FAM184B: variants seen among roughly 807,000 people sequenced by gnomAD.
The protein encoded by FAM184B is protein FAM184B.
In FAM184B, 111 loss-of-function variants were observed where a neutral mutation model predicts 135.9. That is an observed-to-expected ratio of 0.82 (90% CI 0.70 to 0.96). FAM184B has a LOEUF of 0.96. Ranked by LOEUF, FAM184B falls within the 40% of genes least tolerant of loss-of-function variation. The pLI is 0.00. For missense variants in FAM184B, 1,375 were observed against 1,323.9 expected, an observed-to-expected ratio of 1.04 and a Z score of -0.60; for synonymous variants, 552 against 524.8, an observed-to-expected ratio of 1.05 and a Z score of -0.71.
rs1191405789 is a variant in FAM184B, at chr4:17,693,330, T to C, written c.1460A>G (p.Asn487Ser). Residue 487 changes from asparagine to serine, a missense_variant, in exon 6 of 18, where the codon AAT becomes AGT. By Grantham distance (46) the Asn-to-Ser change is conservative. Transcript: ENST00000265018. ...AAGCAGAGAATTCTGAAGCTTCACA[T>C]TGAGGGCTGCTTTCTCTTCTTCCAG... is the stretch of plus-strand genomic sequence containing the variant. Reference protein sequence around the residue: ...KQLEEEKAALNVKLQNSLLEV... With the variant: ...KQLEEEKAALSVKLQNSLLEV... 1 of 1,551,632 alleles carries C rather than the reference T, an allele frequency of 6.4e-7. No individual in the cohort carries two copies. The highest frequency in any genetic ancestry group is 2.0e-5 in the Admixed American group (1 of 51,000).
At chr4:17,667,279 A>G (rs1716077394) in intron 7 of FAM184B, among the ~76,000 whole-genome samples, 1 of 152,044 alleles carries the variant, frequency 6.6e-6, no homozygotes, top group Non-Finnish European at 1.5e-5. Context: ...TTTACATCCC[A>G]TGGAGAGAAG....
At position 17,632,043 on chromosome 4, in the gene FAM184B, ATTTTTTTTTTT is replaced by A. The variant is rs199549580; in HGVS notation, c.*478_*488del. 143 of 117,448 alleles carry A rather than the reference ATTTTTTTTTTT, an allele frequency of 1.2e-3. No homozygotes were observed. Among genetic ancestry groups the A allele is most frequent in the African/African-American group, 3.9e-3 (113 of 29,244 alleles). The allele number at this position is 117,448 out of a possible 1,614,324, so 7.3% of individuals were successfully genotyped here. A position where few individuals can be genotyped will look rare whatever the true frequency, so the allele number is the denominator to read the frequency against. ...TTTTAATAACACTGGTTTAATGTCAATTTTTTTTTTTTTTTTTTTTTTTTTTTTTTTTTTTT... is the reference window on the plus strand; with the variant it reads ...TTTTAATAACACTGGTTTAATGTCAATTTTTTTTTTTTTTTTTTTTTTTTT... On this transcript the variant is annotated 3_prime_UTR_variant, in exon 18 of 18. Coordinates refer to ENST00000265018, the MANE Select transcript of FAM184B (RefSeq NM_015688.2).
chr4:17,776,584 G>A (rs186988497), intron 1 of FAM184B, among the ~76,000 whole-genome samples: 5 of 152,194 alleles, frequency 3.3e-5, no homozygotes, highest in Admixed American at 2.6e-4. Context: ...TAGAGATGGG[G>A]TTTCTCCATG....
chr4:17,773,396 G>A (rs1718860725), intron 1 of FAM184B, among the ~76,000 whole-genome samples: 1 of 152,190 alleles, frequency 6.6e-6, no homozygotes, highest in Non-Finnish European at 1.5e-5. Flanking sequence ...GAGTGAGAAG[G>A]CCCCATGAGG....
Position 17,659,485 on chromosome 4 carries a change from A to C in FAM184B, c.1824+473T>G, listed in dbSNP as rs187553832. 1.2e-4 allele frequency among the ~76,000 whole-genome samples: 18 copies of C among 151,226 alleles called. No individual in the cohort carries two copies. In the East Asian group the frequency reaches 3.5e-3, roughly 30 times the overall value. On this transcript the variant is annotated intron_variant, in intron 9 of 17. Coordinates refer to ENST00000265018, the MANE Select transcript of FAM184B (RefSeq NM_015688.2). Reference sequence around the variant, plus strand: ...CATAGTGAGTGCTCATTAGCACAACAGGTTTTTTATTTTCTTTTTGAGACA... The same window carrying C: ...CATAGTGAGTGCTCATTAGCACAACCGGTTTTTTATTTTCTTTTTGAGACA...
At chr4:17,637,605 G>A (rs114600075) in intron 14 of FAM184B, among the ~76,000 whole-genome samples, 2,457 of 152,322 alleles carry the variant, frequency 0.016, 79 homozygotes, top group African/African-American at 0.056. Context: ...TATAGTAAGT[G>A]CCCGTTAGAC....
At chr4:17,674,574 G>A (rs74488779) in intron 7 of FAM184B, among the ~76,000 whole-genome samples, 3 of 152,052 alleles carry the variant, frequency 2.0e-5, no homozygotes, top group East Asian at 1.9e-4. Context: ...TTGCCACATC[G>A]CTTGACTCTG....
At chr4:17,734,642 C>T (rs565761553) in intron 1 of FAM184B, among the ~76,000 whole-genome samples, 2 of 151,384 alleles carry the variant, frequency 1.3e-5, no homozygotes, top group East Asian at 1.9e-4. Context: ...TACCATCTCA[C>T]ACCAGTTAGA....
chr4:17,660,709 C>T (rs557932672), intron 8 of FAM184B, among the ~76,000 whole-genome samples: 4 of 151,376 alleles, frequency 2.6e-5, no homozygotes, highest in South Asian at 2.1e-4. Flanking sequence ...TTCCTTAATT[C>T]GGAACTTTTG....
chr4:17,695,805 A>G (rs1448752840), intron 5 of FAM184B, among the ~76,000 whole-genome samples: 1 of 152,122 alleles, frequency 6.6e-6, no homozygotes, highest in African/African-American at 2.4e-5. Flanking sequence ...CTAATTAGAT[A>G]GATAGAGGGT....
intron 1 of FAM184B, among the ~76,000 whole-genome samples, chr4:17,730,255 T>C (rs1372306713): frequency 2.0e-5 from 3 of 152,134 alleles, no homozygotes; most frequent in Admixed American, 2.0e-4. Flanking sequence ...CCAAGAAATA[T>C]GGGACTATGT....
chr4:17,700,478 AG>A (rs1716960599), intron 5 of FAM184B, among the ~76,000 whole-genome samples: 1 of 152,238 alleles, frequency 6.6e-6, no homozygotes, highest in Non-Finnish European at 1.5e-5. Flanking sequence ...ACAAATAAAA[AG>A]GTTTCAATTT....
intron 2 of FAM184B, among the ~76,000 whole-genome samples, chr4:17,708,511 G>T (rs1717165632): frequency 6.6e-6 from 1 of 151,082 alleles, no homozygotes; most frequent in Non-Finnish European, 1.5e-5. Context: ...TGGGTATGGT[G>T]GTGGGCACTT....
chr4:17,672,513 T>G (rs1230547382), intron 7 of FAM184B, among the ~76,000 whole-genome samples: 1 of 152,180 alleles, frequency 6.6e-6, no homozygotes, highest in Non-Finnish European at 1.5e-5. Context: ...AGAATGTGGG[T>G]TTGTCATAGA....
chr4:17,719,545 G>C (rs1350231861), intron 1 of FAM184B, among the ~76,000 whole-genome samples: 2 of 152,202 alleles, frequency 1.3e-5, no homozygotes, highest in Admixed American at 6.5e-5. Flanking sequence ...GAAGTCTGTA[G>C]AGGTGCAGAG....
chr4:17,681,451 G>A (rs1182915139), intron 7 of FAM184B, among the ~76,000 whole-genome samples: 1 of 152,244 alleles, frequency 6.6e-6, no homozygotes, highest in Non-Finnish European at 1.5e-5. Context: ...TCTCCATGGA[G>A]TGAAGGGCAG....
At chr4:17,683,428 G>A (rs1716494270) in intron 7 of FAM184B, among the ~76,000 whole-genome samples, 1 of 152,140 alleles carries the variant, frequency 6.6e-6, no homozygotes, top group Admixed American at 6.6e-5. Context: ...AGACCCTCTG[G>A]AGTAGATACT....
intron 7 of FAM184B, among the ~76,000 whole-genome samples, chr4:17,668,852 C>T (rs965919517): frequency 1.8e-4 from 27 of 152,156 alleles, no homozygotes; most frequent in Admixed American, 5.9e-4. Context: ...CCACAATTTT[C>T]TTACAAATAC....
At chr4:17,709,762 G>T in intron 1 of FAM184B, 118 bp from the exon 2 acceptor site, 1 of 907,552 alleles carries the variant, frequency 1.1e-6, no homozygotes, top group Non-Finnish European at 1.6e-6. Flanking sequence ...CACCTGAGAA[G>T]AGGATTTGCG....
Sources: allele counts gnomAD v4.1 joint callset (sites outside exome capture counted in the v4.1 genomes callset), GRCh38; gene constraint gnomAD v4.1.1; transcripts MANE v1.5; gene names NCBI Gene and HGNC (gene_info 2026-07-23, HGNC 2026-07-21).